The following MAGI2 variants were observed in gnomAD, a reference collection of about 807,000 sequenced individuals.
MAGI2 encodes membrane-associated guanylate kinase, WW and PDZ domain-containing protein 2.
A neutral mutation model predicts 133.3 loss-of-function variants in MAGI2; 35 were observed. That is an observed-to-expected ratio of 0.26 (90% confidence interval 0.20 to 0.35). MAGI2 has a LOEUF of 0.35. Among genes scored for constraint, MAGI2 ranks in the 10% least tolerant of loss-of-function variants. The pLI is 1.00. For synonymous variants in MAGI2, 729 were observed against 710.6 expected, an observed-to-expected ratio of 1.03 and a Z score of -0.41; for missense variants, 1,636 against 1,863.4, an observed-to-expected ratio of 0.88 and a Z score of 2.25.
At chr7:78,355,827 G>A (rs1482163263) in intron 7 of MAGI2, among the ~76,000 whole-genome samples, 1 of 152,090 alleles carries the variant, frequency 6.6e-6, no homozygotes, top group Non-Finnish European at 1.5e-5. Context: ...CTTACTTTCT[G>A]AAGACAAAAA....
At chr7:79,151,182 A>G (rs1031389230) in intron 1 of MAGI2, among the ~76,000 whole-genome samples, 11 of 152,160 alleles carry the variant, frequency 7.2e-5, no homozygotes, top group African/African-American at 2.7e-4. Flanking sequence ...TTCAAGAAAT[A>G]TATCATTCAA....
chr7:78,661,554 T>G (rs2151042716), intron 2 of MAGI2, among the ~76,000 whole-genome samples: 1 of 152,322 alleles, frequency 6.6e-6, no homozygotes, highest in South Asian at 2.1e-4. Context: ...CTATCAAATC[T>G]TACAGATTCC....
intron 2 of MAGI2, among the ~76,000 whole-genome samples, chr7:78,653,044 T>C (rs759065848): frequency 6.6e-6 from 1 of 152,116 alleles, no homozygotes; most frequent in Non-Finnish European, 1.5e-5. Flanking sequence ...AAGCTCATCA[T>C]CACTGGTCAT....
At chr7:79,322,735 G>C (rs1280959845) in intron 1 of MAGI2, among the ~76,000 whole-genome samples, 1 of 150,372 alleles carries the variant, frequency 6.7e-6, no homozygotes, top group Admixed American at 6.6e-5. Context: ...GCGGTGAGCT[G>C]AGATCATGCC....
At chr7:79,058,628 G>A (rs1424940258) in intron 1 of MAGI2, among the ~76,000 whole-genome samples, 2 of 152,102 alleles carry the variant, frequency 1.3e-5, no homozygotes, top group Non-Finnish European at 2.9e-5. Flanking sequence ...GGTGACATTA[G>A]AGCAGACATC....
intron 3 of MAGI2, chr7:78,618,967 T>G (rs1021996097): frequency 2.3e-5 from 3 of 128,752 alleles, no homozygotes; most frequent in Non-Finnish European, 4.7e-5. Context: ...CTCAGCATGG[T>G]GACTATAGTC....
chr7:79,292,987 C>T (rs970042948), intron 1 of MAGI2, among the ~76,000 whole-genome samples: 1 of 152,096 alleles, frequency 6.6e-6, no homozygotes, highest in African/African-American at 2.4e-5. Context: ...CACTGCACTC[C>T]GGAAAAATTT....
At chr7:78,227,923 T>C (rs1789568939) in intron 10 of MAGI2, among the ~76,000 whole-genome samples, 1 of 151,202 alleles carries the variant, frequency 6.6e-6, no homozygotes, top group Non-Finnish European at 1.5e-5. Context: ...TGTGAATGCC[T>C]AGACAACAGA....
chr7:78,470,016 C>T (rs1281687238), intron 6 of MAGI2, among the ~76,000 whole-genome samples: 2 of 152,146 alleles, frequency 1.3e-5, no homozygotes, highest in Non-Finnish European at 2.9e-5. Context: ...TGCAGTCTTC[C>T]TCCTCTGTGT....
intron 2 of MAGI2, among the ~76,000 whole-genome samples, chr7:78,949,776 G>A (rs1169380017): frequency 6.6e-6 from 1 of 152,160 alleles, no homozygotes; most frequent in Non-Finnish European, 1.5e-5. Context: ...CCTGGTGACA[G>A]CCATGAAGGT....
chr7:78,568,158 G>A (rs1296974841), intron 3 of MAGI2: 1 of 152,112 alleles, frequency 6.6e-6, no homozygotes, highest in African/African-American at 2.4e-5. Flanking sequence ...AACTCTAAAT[G>A]TTTAAGTTCT....
At chr7:78,312,962 GTA>G (rs1798841764) in intron 9 of MAGI2, among the ~76,000 whole-genome samples, 1 of 150,506 alleles carries the variant, frequency 6.6e-6, no homozygotes, top group South Asian at 2.1e-4. Context: ...ATAGATATAT[GTA>G]TATACACACA....
At chr7:78,626,082 G>T (rs972326369) in intron 3 of MAGI2, among the ~76,000 whole-genome samples, 3 of 152,132 alleles carry the variant, frequency 2.0e-5, no homozygotes, top group African/African-American at 7.2e-5. Flanking sequence ...ATGATGTTTG[G>T]TGAACTTTGC....
chr7:78,772,080 T>C (rs1208576692), intron 2 of MAGI2, among the ~76,000 whole-genome samples: 2 of 152,178 alleles, frequency 1.3e-5, no homozygotes, highest in African/African-American at 2.4e-5. Context: ...TAGTATAGTA[T>C]TGAAGATACA....
chr7:78,512,077 C>T lies in MAGI2; in HGVS notation c.754+9353G>A, dbSNP rs190965130. Among the ~76,000 whole-genome samples, 580 of 150,764 alleles carry T rather than the reference C, an allele frequency of 3.8e-3. 4 individuals are homozygous for T. The highest frequency in any genetic ancestry group is 0.013 in the African/African-American group (550 of 41,000). ...GGCGGAGCTTGCGGTGAGCGGAGAT[C>T]GTGCCACTGCACTCCAGCCTGGGTG... On this transcript the variant is annotated intron_variant, in intron 4 of 21. Coordinates refer to ENST00000354212, the MANE Select transcript of MAGI2 (RefSeq NM_012301.4).
intron 2 of MAGI2, among the ~76,000 whole-genome samples, chr7:78,781,453 T>C (rs1826395870): frequency 6.7e-6 from 1 of 149,116 alleles, no homozygotes; most frequent in African/African-American, 2.5e-5. Flanking sequence ...AAAATTTGCA[T>C]AAAGGCTTGA....
chr7:79,184,127 AAGAAT>A (rs1337618290), intron 1 of MAGI2, among the ~76,000 whole-genome samples: 2 of 151,804 alleles, frequency 1.3e-5, no homozygotes, highest in African/African-American at 2.4e-5. Context: ...AAATTGCTAA[AAGAAT>A]AGATTCTTAA....
intron 20 of MAGI2, among the ~76,000 whole-genome samples, chr7:78,083,408 G>GAGAGAGAGAGAGAGAGAGAGAGAC (rs1816253334): frequency 6.8e-6 from 1 of 146,724 alleles, no homozygotes; most frequent in Admixed American, 6.8e-5. Flanking sequence ...GAGAGAGAGA[G>GAGAGAGAGAGAGAGAGAGAGAGAC]AGAGAGAGAG....
At chr7:78,277,742 A>C (rs1584683367) in intron 9 of MAGI2, among the ~76,000 whole-genome samples, 1 of 152,322 alleles carries the variant, frequency 6.6e-6, no homozygotes, top group Middle Eastern at 3.4e-3. Context: ...CCAAGTGGGT[A>C]TACCCCAGGA....
Sources: gnomAD v4.1 joint callset for allele counts (sites outside exome capture counted in the v4.1 genomes callset) on GRCh38, gnomAD v4.1.1 for gene constraint, MANE v1.5 for transcripts, NCBI Gene and HGNC (gene_info 2026-07-23, HGNC 2026-07-21) for gene names.